The following PSD3 variants were observed in gnomAD, a reference collection of about 807,000 sequenced individuals.
PSD3 encodes pleckstrin and Sec7 domain containing 3.
Under a neutral mutation model 105.5 loss-of-function variants are expected in PSD3, and 49 were observed. The observed-to-expected ratio is 0.46, with a 90% CI of 0.37 to 0.59. The LOEUF is 0.59. Among genes scored for constraint, PSD3 ranks in the 20% least tolerant of loss-of-function variants. PSD3 has a pLI of 0.00. For missense variants in PSD3, 1,561 were observed against 1,263.8 expected (o/e 1.24, Z -3.57); for synonymous variants, 557 against 457.8 (o/e 1.22, Z -2.77).
chr8:18,652,495 T>G (rs1197530622), intron 10 of PSD3, among the ~76,000 whole-genome samples: 2 of 139,436 alleles, frequency 1.4e-5, no homozygotes, highest in African/African-American at 2.7e-5. Context: ...AAAGCTTAGT[T>G]TTTTTTTTTT....
intron 4 of PSD3, among the ~76,000 whole-genome samples, chr8:18,840,922 C>T (rs1814568518): frequency 6.6e-6 from 1 of 152,174 alleles, no homozygotes; most frequent in African/African-American, 2.4e-5. Context: ...TCAGTACATT[C>T]ATCTGGGTGT....
intron 4 of PSD3, among the ~76,000 whole-genome samples, chr8:18,821,651 A>G (rs1338566776): frequency 1.3e-5 from 2 of 150,486 alleles, no homozygotes; most frequent in African/African-American, 4.9e-5. Flanking sequence ...TTAAATAGCA[A>G]TGTCATTTTA....
At chr8:19,073,770 A>T (rs1431759010) in intron 1 of PSD3, among the ~76,000 whole-genome samples, 1 of 150,256 alleles carries the variant, frequency 6.7e-6, no homozygotes, top group Non-Finnish European at 1.5e-5. Context: ...TTGCTATTCA[A>T]ACATCAGAAT....
At chr8:18,818,355 T>C (rs2638636) in intron 4 of PSD3, among the ~76,000 whole-genome samples, 120,573 of 149,138 alleles carry the variant, frequency 0.81, 49,163 homozygotes, top group Non-Finnish European at 0.89. Context: ...AGGGAGCTAC[T>C]TTTTTTTTTT....
In PSD3 at chr8:18,804,953, G is replaced by A. The variant is rs1181094049; in HGVS notation, c.1635-55C>T. The A allele has an allele frequency of 3.0e-6, 4 of 1,336,030 alleles. No individual in the cohort carries two copies. In the African/African-American group the frequency reaches 4.4e-5, roughly 15 times the overall value. The allele number at this position is 1,336,030 out of a possible 1,614,324, so 82.8% of individuals were successfully genotyped here. ...TAGATTTTTCTTATATGGCAAAAAG[G>A]AAAATATCTGATGAAATATTGATAG... On this transcript the variant is annotated intron_variant, in intron 4 of 15. Coordinates refer to ENST00000327040, the MANE Select transcript of PSD3 (RefSeq NM_015310.4).
chr8:18,653,360 A>G, intron 10 of PSD3, among the ~76,000 whole-genome samples: 1 of 144,496 alleles, frequency 6.9e-6, no homozygotes, highest in East Asian at 2.1e-4. Flanking sequence ...AGAGAAAAAG[A>G]AAAAAAGACA....
chr8:19,010,177 G>A (rs547705803), intron 1 of PSD3, among the ~76,000 whole-genome samples: 2 of 152,180 alleles, frequency 1.3e-5, no homozygotes, highest in Non-Finnish European at 2.9e-5. Context: ...CAAGGAGTGA[G>A]TGGTCTGCCA....
At chr8:18,981,797 A>T (rs1299175892) in intron 1 of PSD3, among the ~76,000 whole-genome samples, 2 of 151,904 alleles carry the variant, frequency 1.3e-5, no homozygotes, top group African/African-American at 4.8e-5. Flanking sequence ...GCTAAAAAAA[A>T]TACTGACAAT....
intron 9 of PSD3, among the ~76,000 whole-genome samples, chr8:18,655,941 T>A (rs2130854342): frequency 6.6e-6 from 1 of 152,254 alleles, no homozygotes; most frequent in East Asian, 1.9e-4. Flanking sequence ...CTGTACTACA[T>A]TTCATTATAG....
chr8:18,972,032 A>G (rs1223989381), intron 1 of PSD3, among the ~76,000 whole-genome samples: 3 of 152,194 alleles, frequency 2.0e-5, no homozygotes, highest in African/African-American at 4.8e-5. Flanking sequence ...AATACTATAA[A>G]GAGTCAGATG....
At chr8:18,894,522 G>T (rs1402170119) in intron 2 of PSD3, among the ~76,000 whole-genome samples, 1 of 152,176 alleles carries the variant, frequency 6.6e-6, no homozygotes, top group East Asian at 1.9e-4. Flanking sequence ...CAGTAATTTA[G>T]TCCATTCAGA....
chr8:18,615,306 ACT>A (rs1168432397), intron 11 of PSD3, among the ~76,000 whole-genome samples: 1 of 151,784 alleles, frequency 6.6e-6, no homozygotes, highest in African/African-American at 2.4e-5. Context: ...TCACCCAGTG[ACT>A]CTCTTTAAAT....
intron 2 of PSD3, among the ~76,000 whole-genome samples, chr8:18,919,907 G>A (rs1820888558): frequency 6.7e-6 from 1 of 149,702 alleles, no homozygotes; most frequent in Non-Finnish European, 1.5e-5. Flanking sequence ...GCTAGATGAC[G>A]AGTTAGTGGG....
At chr8:18,933,367 A>G (rs1821872134) in intron 2 of PSD3, among the ~76,000 whole-genome samples, 1 of 150,774 alleles carries the variant, frequency 6.6e-6, no homozygotes, top group Non-Finnish European at 1.5e-5. Context: ...AGTTAAGGAA[A>G]AATCAGTTTT....
chr8:18,893,349 T>A lies in PSD3; in HGVS notation c.131-20616A>T, dbSNP rs113714584. 3.6e-3 allele frequency among the ~76,000 whole-genome samples: 542 copies of A among 152,126 alleles called. 5 individuals are homozygous for A. Among genetic ancestry groups the A allele is most frequent in the African/African-American group, 0.012 (496 of 41,506 alleles). ...GGGAGTAACTGAATCTCCCTAAAAG[T>A]AGAAAAGTCACTAAGCATCCAAATG... On this transcript the variant is annotated intron_variant, in intron 2 of 15. Coordinates refer to ENST00000327040, the MANE Select transcript of PSD3 (RefSeq NM_015310.4).
chr8:18,761,607 G>A (rs1392807897), intron 9 of PSD3, among the ~76,000 whole-genome samples: 2 of 152,120 alleles, frequency 1.3e-5, no homozygotes, highest in Non-Finnish European at 2.9e-5. Flanking sequence ...ATACCGTACT[G>A]TCTCTCAAAA....
Position 18,731,061 on chromosome 8 carries a change from G to A in PSD3, c.2172+34388C>T, listed in dbSNP as rs572012903. On this transcript the variant is annotated intron_variant, in intron 9 of 15. Coordinates refer to ENST00000327040, the MANE Select transcript of PSD3 (RefSeq NM_015310.4). ...CCCACAAAATAAACACTCTTCACCAGCCTGGCCAACATGGTAAAACCCTGT... is the reference window on the plus strand; with the variant it reads ...CCCACAAAATAAACACTCTTCACCAACCTGGCCAACATGGTAAAACCCTGT... 1.6e-3 allele frequency among the ~76,000 whole-genome samples: 235 copies of A among 144,262 alleles called. 3 individuals carry two copies. Among genetic ancestry groups the A allele is most frequent in the Middle Eastern group, 7.5e-3 (2 of 266 alleles). The allele number at this position is 144,262 out of a possible 152,430, so 94.6% of individuals were successfully genotyped here.
At chr8:19,013,945 A>T, upstream of PSD3, 1 of 150,822 alleles carries the variant, frequency 6.6e-6, no homozygotes, top group Non-Finnish European at 1.5e-5. Context: ...CCTCCGGGGG[A>T]GGCTGGAGGC....
chr8:18,595,098 C>G (rs1373616639), intron 12 of PSD3, among the ~76,000 whole-genome samples: 1 of 151,450 alleles, frequency 6.6e-6, no homozygotes, highest in Non-Finnish European at 1.5e-5. Flanking sequence ...GAACAGAATA[C>G]AAAAGGATAT....
Sources: allele counts gnomAD v4.1 joint callset (sites outside exome capture counted in the v4.1 genomes callset), GRCh38; gene constraint gnomAD v4.1.1; transcripts MANE v1.5; gene names NCBI Gene and HGNC (gene_info 2026-07-23, HGNC 2026-07-21).